The following FBXO28 variants were observed in gnomAD, a reference collection of about 807,000 sequenced individuals.
The protein encoded by FBXO28 is F-box protein 28.
A neutral mutation model predicts 38.1 loss-of-function variants in FBXO28; 8 were observed. The ratio of observed to expected loss-of-function variants is 0.21; its 90% CI spans 0.12 to 0.38. The LOEUF (loss-of-function observed/expected upper bound fraction) is 0.38, where lower values mean the gene tolerates loss of function less well. Ranked by LOEUF, FBXO28 falls within the 10% of genes least tolerant of loss-of-function variation. The pLI is 1.00. For missense variants in FBXO28, 345 were observed against 460.6 expected (o/e 0.75, Z 2.30); for synonymous variants, 168 against 173.8 (o/e 0.97, Z 0.26).
At chr1:224,147,409 C>T (rs1421534537) in intron 3 of FBXO28, among the ~76,000 whole-genome samples, 8 of 118,282 alleles carry the variant, frequency 6.8e-5, no homozygotes, top group Middle Eastern at 4.3e-3. Flanking sequence ...GGCAACAGAG[C>T]GAGACTGTGT....
At chr1:224,118,875 CAT>C (rs1656705527) in intron 1 of FBXO28, among the ~76,000 whole-genome samples, 2 of 152,186 alleles carry the variant, frequency 1.3e-5, no homozygotes, top group African/African-American at 2.4e-5. Flanking sequence ...ATACACATAA[CAT>C]ATTCCATTAG....
At chr1:224,131,896 G>T (rs940487007) in intron 2 of FBXO28, among the ~76,000 whole-genome samples, 1 of 152,118 alleles carries the variant, frequency 6.6e-6, no homozygotes, top group Non-Finnish European at 1.5e-5. Context: ...GAAAACCTGC[G>T]TAAATCATGT....
At chr1:224,133,527 T>A (rs1657104304) in intron 2 of FBXO28, among the ~76,000 whole-genome samples, 1 of 152,154 alleles carries the variant, frequency 6.6e-6, no homozygotes, top group South Asian at 2.1e-4. Flanking sequence ...ACTTTTATTT[T>A]TATTTTTGAG....
At chr1:224,140,033 A>G (rs529628310) in intron 3 of FBXO28, among the ~76,000 whole-genome samples, 38 of 152,268 alleles carry the variant, frequency 2.5e-4, no homozygotes, top group African/African-American at 6.7e-4. Flanking sequence ...CAAGGCTGCA[A>G]TGAGCTATGA....
chr1:224,143,204 G>A (rs531528877), intron 3 of FBXO28, among the ~76,000 whole-genome samples: 3 of 146,698 alleles, frequency 2.0e-5, no homozygotes, highest in Admixed American at 2.0e-4. Context: ...GGGTGACAGA[G>A]TGAGACTCTG....
chr1:224,131,794 G>T (rs1178459157), intron 2 of FBXO28, among the ~76,000 whole-genome samples: 1 of 152,070 alleles, frequency 6.6e-6, no homozygotes, highest in Non-Finnish European at 1.5e-5. Context: ...AGTAGCAAAA[G>T]AAAAAATTAA....
chr1:224,128,230 TTTA>T (rs986574564), intron 1 of FBXO28, among the ~76,000 whole-genome samples: 1 of 147,694 alleles, frequency 6.8e-6, no homozygotes, highest in Non-Finnish European at 1.5e-5. Context: ...CATGTCTTTT[TTTA>T]TTATTATTAT....
At chr1:224,145,016 TCA>T (rs1160971075) in intron 3 of FBXO28, among the ~76,000 whole-genome samples, 1 of 151,868 alleles carries the variant, frequency 6.6e-6, no homozygotes, top group Non-Finnish European at 1.5e-5. Flanking sequence ...GCGCGGTGGC[TCA>T]CACCTATAAT....
chr1:224,118,977 A>G (rs1428975013), intron 1 of FBXO28, among the ~76,000 whole-genome samples: 1 of 152,134 alleles, frequency 6.6e-6, no homozygotes. Context: ...AAGGCAAATA[A>G]CTTCTTGGTA....
rs573179494 is a variant in FBXO28 at position 224,136,452 on chromosome 1, G to C, written c.516+2240G>C. On this transcript the variant is annotated intron_variant, in intron 3 of 4. Coordinates refer to ENST00000366862, the MANE Select transcript of FBXO28 (RefSeq NM_015176.4). ...GTACTTAAAAGTTTAGGCCGGGCGC[G>C]GTAGCTCACACCTGTAATCCCAGCA... Among the ~76,000 whole-genome samples, 7 of 151,756 alleles carry C rather than the reference G, an allele frequency of 4.6e-5. No homozygotes were observed. In the East Asian group the frequency reaches 1.4e-3, roughly 30 times the overall value.
At chr1:224,154,416 A>T (rs1364099773) in intron 4 of FBXO28, among the ~76,000 whole-genome samples, 1 of 149,174 alleles carries the variant, frequency 6.7e-6, no homozygotes, top group African/African-American at 2.5e-5. Flanking sequence ...CATGCCTATA[A>T]TCCCAGAACT....
intron 3 of FBXO28, among the ~76,000 whole-genome samples, chr1:224,138,389 G>A (rs192299209): frequency 2.0e-5 from 3 of 152,000 alleles, no homozygotes; most frequent in East Asian, 1.9e-4. Flanking sequence ...TGTGCAATGT[G>A]TGGTAAATGA....
intron 3 of FBXO28, among the ~76,000 whole-genome samples, chr1:224,136,112 T>TTTTTTTTG (rs1657179276): frequency 7.6e-6 from 1 of 132,022 alleles, no homozygotes; most frequent in Non-Finnish European, 1.6e-5. Flanking sequence ...TTTTTTTTTT[T>TTTTTTTTG]TTTTTTTTTG....
chr1:224,124,615 A>G (rs1656862554), intron 1 of FBXO28, among the ~76,000 whole-genome samples: 1 of 152,204 alleles, frequency 6.6e-6, no homozygotes, highest in Non-Finnish European at 1.5e-5. Flanking sequence ...GTTAGCATAC[A>G]TTATCAGCAG....
Position 224,158,280 on chromosome 1 carries a change from A to G in FBXO28, c.*534A>G, listed in dbSNP as rs1036063720. 2.5e-5 allele frequency: 23 copies of G among 937,046 alleles called. No individual in the cohort carries two copies. The highest frequency in any genetic ancestry group is 2.0e-5 in the Non-Finnish European group (16 of 785,726). The allele number at this position is 937,046 out of a possible 1,614,324, so 58.0% of individuals were successfully genotyped here. Reference sequence around the variant, plus strand: ...TAATGGGTAACTAAAATGGACTTCCATAGTATTGACTGTAGAAGGAGCCTC... The same window carrying G: ...TAATGGGTAACTAAAATGGACTTCCGTAGTATTGACTGTAGAAGGAGCCTC... On this transcript the variant is annotated 3_prime_UTR_variant, in exon 5 of 5. Coordinates refer to ENST00000366862, the MANE Select transcript of FBXO28 (RefSeq NM_015176.4).
At chr1:224,152,414 A>G (rs1657668747) in intron 3 of FBXO28, among the ~76,000 whole-genome samples, 1 of 152,176 alleles carries the variant, frequency 6.6e-6, no homozygotes, top group South Asian at 2.1e-4. Flanking sequence ...GGTTTGGGCA[A>G]TCTCCAACCC....
In FBXO28 at chr1:224,160,969, T is replaced by C. The variant is rs958971813; in HGVS notation, c.*3223T>C. 6.6e-6 allele frequency: 1 copy of C among 152,196 alleles called. No homozygotes were observed. Among genetic ancestry groups the C allele is most frequent in the Non-Finnish European group, 1.5e-5 (1 of 68,036 alleles). 9.4% of individuals were successfully genotyped at this position (152,196 alleles called of 1,614,324 possible). A position where few individuals can be genotyped will look rare whatever the true frequency, so the allele number is the denominator to read the frequency against. Reference sequence around the variant, plus strand: ...AAAACTAGGCTATGTGTAATAAAAATAATGGCACCTTAAGATTGCACTATT... The same window carrying C: ...AAAACTAGGCTATGTGTAATAAAAACAATGGCACCTTAAGATTGCACTATT... On this transcript the variant is annotated 3_prime_UTR_variant, in exon 5 of 5. Coordinates refer to ENST00000366862, the MANE Select transcript of FBXO28 (RefSeq NM_015176.4).
intron 4 of FBXO28, among the ~76,000 whole-genome samples, chr1:224,155,497 T>A (rs537232923): frequency 1.1e-4 from 17 of 152,324 alleles, no homozygotes; most frequent in African/African-American, 3.8e-4. Context: ...ATAAGGCTAT[T>A]TTGAACAGTA....
At chr1:224,130,411 T>C (rs1356782792) in intron 1 of FBXO28, 61 bp from the exon 2 acceptor site, 2 of 1,064,978 alleles carry the variant, frequency 1.9e-6, no homozygotes, top group East Asian at 2.4e-5. Context: ...CCATCAGTTA[T>C]GAGTCTCAGT....
Sources: allele counts gnomAD v4.1 joint callset (sites outside exome capture counted in the v4.1 genomes callset), GRCh38; gene constraint gnomAD v4.1.1; transcripts MANE v1.5; gene names NCBI Gene and HGNC (gene_info 2026-07-23, HGNC 2026-07-21).